Variants in DNAH8 observed in about 807,000 individuals in gnomAD.
DNAH8 encodes axonemal beta dynein heavy chain 8.
Under a neutral mutation model 562.1 loss-of-function variants are expected in DNAH8, and 382 were observed. The ratio of observed to expected loss-of-function variants is 0.68; its 90% CI spans 0.63 to 0.74. DNAH8 has a LOEUF of 0.74. DNAH8 is among the 30% of genes least tolerant of loss of function. The pLI, the probability that DNAH8 is intolerant of heterozygous loss-of-function variation, is 0.00. For missense variants in DNAH8, 5,203 were observed against 5,620.4 expected, an observed-to-expected ratio of 0.93 and a Z score of 2.37; for synonymous variants, 1,881 against 1,919.4, an observed-to-expected ratio of 0.98 and a Z score of 0.52.
rs79455046 is a variant in DNAH8 at position 38,734,587 on chromosome 6, C to A, written c.724C>A (p.Arg242Ser). 6.2e-6 allele frequency: 10 copies of A among 1,613,052 alleles called. No homozygotes were observed. The highest frequency in any genetic ancestry group is 2.2e-5 in the East Asian group (1 of 44,844). The change falls in exon 5 of 93, where the codon CGT (arginine) becomes AGT (serine). Residue 242 changes from arginine to serine, a missense_variant. Arg to Ser is a moderately radical substitution (Grantham distance 110, BLOSUM62 -1). Coordinates refer to ENST00000327475, the MANE Select transcript of DNAH8 (RefSeq NM_001206927.2). ...ACTGTGCATATTTTTTGTTCGTTGC[C>A]GTAATGATGTTGCTATAAATGTTAA... ...KGLCIFFVRC[R>S]NDVAINVKTI...
chr6:38,793,853 C>T (rs899386425), intron 21 of DNAH8, among the ~76,000 whole-genome samples: 3 of 152,124 alleles, frequency 2.0e-5, no homozygotes, highest in Non-Finnish European at 4.4e-5. Flanking sequence ...TCTAATTCTG[C>T]TCTGTGCTGT....
At chr6:38,723,922 G>C (rs1399906646) in intron 3 of DNAH8, among the ~76,000 whole-genome samples, 1 of 150,590 alleles carries the variant, frequency 6.6e-6, no homozygotes, top group African/African-American at 2.4e-5. Flanking sequence ...TAGAGGAGAA[G>C]GTTTAGTTTA....
rs113355091 is a variant in DNAH8, at chr6:38,951,294, C to T, written c.12249-24C>T. On this transcript the variant is annotated intron_variant, in intron 81 of 92. Transcript: ENST00000327475. ...AAAATTGAACACGTTTAGTTTATTT[C>T]GCCTAACTTGTATTCATTTTTAGGT... The T allele has an allele frequency of 7.2e-4, 1,161 of 1,601,612 alleles. 7 individuals are homozygous for T. In the African/African-American group the frequency reaches 0.011, roughly 16 times the overall value.
intron 24 of DNAH8, among the ~76,000 whole-genome samples, chr6:38,812,891 A>T (rs540479318): frequency 6.6e-6 from 1 of 152,272 alleles, no homozygotes; most frequent in South Asian, 2.1e-4. Context: ...TGGTTTCCTT[A>T]TCTACAATAT....
At chr6:38,917,476 A>G (rs536107944) in intron 69 of DNAH8, 70 bp downstream of exon 69, 34 of 1,249,710 alleles carry the variant, frequency 2.7e-5, no homozygotes, top group African/African-American at 2.6e-4. Context: ...CACTCAATAT[A>G]GACCAGACAA....
At position 38,842,874 on chromosome 6, in the gene DNAH8, C is replaced by A; in HGVS notation, c.4816C>A (p.Pro1606Thr). 1 of 1,613,552 alleles carries A rather than the reference C, an allele frequency of 6.2e-7. No individual in the cohort carries two copies. Among genetic ancestry groups the A allele is most frequent in the Non-Finnish European group, 8.5e-7 (1 of 1,179,686 alleles). Residue 1606 changes from proline (P) to threonine (T), a missense_variant, in exon 35 of 93, where the codon CCA (proline) becomes ACA (threonine). Around this residue, in one of 6 missense-constraint regions of DNAH8, gnomAD observed 2,176 missense variants for 2,365.1 expected, o/e 0.92. Coordinates refer to ENST00000327475, the MANE Select transcript of DNAH8 (RefSeq NM_001206927.2). ...TTGCCTTAGAAATATCATGGAAGCA[C>A]CACTCCTTAAACATAAGGATGATAT... ...SFCLRNIMEA[P>T]LLKHKDDIED...
chr6:38,841,191 G>A (rs1774751604), intron 33 of DNAH8, among the ~76,000 whole-genome samples: 2 of 152,070 alleles, frequency 1.3e-5, no homozygotes, highest in African/African-American at 2.4e-5. Flanking sequence ...GGCTGAGGCG[G>A]GCCGATCACC....
intron 91 of DNAH8, among the ~76,000 whole-genome samples, chr6:39,017,591 A>G (rs1583576191): frequency 6.6e-6 from 1 of 152,154 alleles, no homozygotes; most frequent in African/African-American, 2.4e-5. Context: ...GTTTAGCTCA[A>G]TCTGGAGCTT....
chr6:38,791,132 C>T (rs907277007), intron 20 of DNAH8, among the ~76,000 whole-genome samples: 3 of 152,162 alleles, frequency 2.0e-5, no homozygotes, highest in African/African-American at 7.2e-5. Flanking sequence ...ATGTGCTGGT[C>T]TGTGTGTCAT....
At chr6:38,853,967 TA>T (rs375525499) in intron 41 of DNAH8, among the ~76,000 whole-genome samples, 2,239 of 151,808 alleles carry the variant, frequency 0.015, 95 homozygotes, top group East Asian at 0.14. Flanking sequence ...TGTCGTAAAG[TA>T]AAAAAAATTT....
intron 5 of DNAH8, among the ~76,000 whole-genome samples, chr6:38,734,987 T>A (rs751638926): frequency 1.5e-4 from 23 of 152,204 alleles, no homozygotes; most frequent in Non-Finnish European, 3.1e-4. Flanking sequence ...GCCTGGACAT[T>A]GCTAAGCTAG....
chr6:38,880,325 T>C (rs1778375576), intron 53 of DNAH8, among the ~76,000 whole-genome samples: 1 of 152,128 alleles, frequency 6.6e-6, no homozygotes, highest in African/African-American at 2.4e-5. Flanking sequence ...AAGATCTGTA[T>C]ACTAAAACTG....
At chr6:38,786,207 T>C (rs1196979244) in intron 17 of DNAH8, among the ~76,000 whole-genome samples, 4 of 152,262 alleles carry the variant, frequency 2.6e-5, no homozygotes, top group Admixed American at 2.6e-4. Context: ...ATGATGTTTA[T>C]GTGAGATGTA....
chr6:38,953,810 T>G (rs1233758750), intron 82 of DNAH8, among the ~76,000 whole-genome samples: 1 of 151,978 alleles, frequency 6.6e-6, no homozygotes, highest in African/African-American at 2.4e-5. Context: ...ATGCTTCAGG[T>G]GAATGTGACT....
chr6:38,976,544 G>A (rs779406043), intron 85 of DNAH8, among the ~76,000 whole-genome samples: 8 of 152,140 alleles, frequency 5.3e-5, no homozygotes, highest in Non-Finnish European at 8.8e-5. Context: ...TTGTTGTCTT[G>A]GGCCAGAAGC....
chr6:38,812,277 A>G (rs1259359882), intron 24 of DNAH8, among the ~76,000 whole-genome samples: 1 of 152,086 alleles, frequency 6.6e-6, no homozygotes, highest in Non-Finnish European at 1.5e-5. Context: ...CTTACCTTGT[A>G]TTTGAGCATT....
Position 38,883,473 on chromosome 6 carries a change from G to T in DNAH8, c.8136+17G>T, listed in dbSNP as rs1464437032. 6.2e-7 allele frequency: 1 copy of T among 1,602,270 alleles called. No individual in the cohort carries two copies. The highest frequency in any genetic ancestry group is 8.5e-7 in the Non-Finnish European group (1 of 1,174,988). ...ATGTTTCAGGTGAAATCCATCATTT[G>T]CTGTAATATTATAAACATAATACAT... On this transcript the variant is annotated intron_variant, in intron 55 of 92. Coordinates refer to ENST00000327475, the MANE Select transcript of DNAH8 (RefSeq NM_001206927.2).
chr6:39,012,550 C>T lies in DNAH8; in HGVS notation c.13627C>T (p.Leu4543Phe). The change falls in exon 91 of 93, where the codon CTT becomes TTT. Residue 4543 changes from leucine to phenylalanine, a missense_variant. By Grantham distance (22) the Leu-to-Phe change is conservative. Around this residue, in one of 6 missense-constraint regions of DNAH8, gnomAD observed 1,399 missense variants for 1,518.4 expected, o/e 0.92. Coordinates refer to ENST00000327475, the MANE Select transcript of DNAH8 (RefSeq NM_001206927.2). Reference sequence around the variant, plus strand: ...CACACTGGGCTTCTGGTTCACTGAACTTTTGGAAAGAAATGCTCAGTTTTC... The same window carrying T: ...CACACTGGGCTTCTGGTTCACTGAATTTTTGGAAAGAAATGCTCAGTTTTC... ...SSTLGFWFTE[L>F]LERNAQFSTW... The T allele has an allele frequency of 1.2e-6, 2 of 1,613,940 alleles. No homozygotes were observed. Among genetic ancestry groups the T allele is most frequent in the Non-Finnish European group, 1.7e-6 (2 of 1,179,854 alleles).
At chr6:38,952,052 C>A (rs1281080862) in intron 82 of DNAH8, among the ~76,000 whole-genome samples, 1 of 152,090 alleles carries the variant, frequency 6.6e-6, no homozygotes, top group Non-Finnish European at 1.5e-5. Flanking sequence ...TAATTGAAGG[C>A]AATGTGACAA....
Sources: gnomAD v4.1 joint callset for allele counts (sites outside exome capture counted in the v4.1 genomes callset) on GRCh38, gnomAD v4.1.1 for gene constraint, gnomAD v4.1.1 regional missense constraint, MANE v1.5 for transcripts, NCBI Gene and HGNC (gene_info 2026-07-23, HGNC 2026-07-21) for gene names.